Variants in FRAS1 observed in about 807,000 individuals in gnomAD.
FRAS1 encodes the protein extracellular matrix organizing protein FRAS1.
FRAS1 carries 290 observed loss-of-function variants against 435.2 expected under a neutral mutation model. The observed-to-expected ratio is 0.67, with a 90% CI of 0.61 to 0.73. The LOEUF (loss-of-function observed/expected upper bound fraction) is 0.73, where lower values mean the gene tolerates loss of function less well. FRAS1 is among the 30% of genes least tolerant of loss of function. The probability of loss-of-function intolerance (pLI) is 0.00; values close to 1 mark genes in which losing one functional copy is unlikely to be tolerated. For missense variants in FRAS1, 4,860 were observed against 5,001.5 expected (o/e 0.97, Z 0.85); for synonymous variants, 1,800 against 1,851.0 (o/e 0.97, Z 0.71).
chr4:78,069,896 T>C lies in FRAS1; in HGVS notation c.108+3880T>C, dbSNP rs548566101. 1.8e-4 allele frequency among the ~76,000 whole-genome samples: 27 copies of C among 152,176 alleles called. No homozygotes were observed. In the South Asian group the frequency reaches 5.4e-3, roughly 30 times the overall value. ...CCTAGTGGAAAAGAGAGTTCAAACC[T>C]GGTTCTTATTCTTAAGTCATTTGAT... On this transcript the variant is annotated intron_variant, in intron 2 of 73. Coordinates refer to ENST00000512123, the MANE Select transcript of FRAS1 (RefSeq NM_025074.7).
chr4:78,377,064 G>A (rs1026582185), intron 26 of FRAS1, among the ~76,000 whole-genome samples: 1 of 151,996 alleles, frequency 6.6e-6, no homozygotes, highest in Admixed American at 6.6e-5. Context: ...TAGTGGACAC[G>A]TTACCTTAAA....
chr4:78,230,099 G>A (rs1185564419), intron 2 of FRAS1, among the ~76,000 whole-genome samples: 1 of 152,202 alleles, frequency 6.6e-6, no homozygotes, highest in Non-Finnish European at 1.5e-5. Flanking sequence ...CTGTATACAA[G>A]TTGATACTCT....
chr4:78,281,537 C>T, intron 11 of FRAS1, 104 bp downstream of exon 11: 2 of 649,090 alleles, frequency 3.1e-6, no homozygotes. Context: ...GTATTTTTAA[C>T]AGCCACATTT....
intron 2 of FRAS1, among the ~76,000 whole-genome samples, chr4:78,140,630 CATATACATATGTGTATATGTATATACGT>C (rs1361998660): frequency 1.1e-3 from 168 of 150,886 alleles, no homozygotes; most frequent in African/African-American, 3.4e-3. Flanking sequence ...TGTGTATACG[CATATACATATGTGTATATGTATATACGT>C]ATATACATAT....
chr4:78,525,812 G>A (rs1462348062), intron 69 of FRAS1, among the ~76,000 whole-genome samples: 1 of 152,180 alleles, frequency 6.6e-6, no homozygotes, highest in Non-Finnish European at 1.5e-5. Flanking sequence ...AGACGAAATA[G>A]GAGAGAGGTC....
intron 2 of FRAS1, among the ~76,000 whole-genome samples, chr4:78,208,885 C>T (rs13107137): frequency 0.25 from 38,174 of 151,958 alleles, 5,533 homozygotes; most frequent in Non-Finnish European, 0.32. Flanking sequence ...ACCTGTAATC[C>T]CAGCACTTTG....
chr4:78,277,044 C>T (rs548846223), intron 9 of FRAS1, among the ~76,000 whole-genome samples: 1 of 152,338 alleles, frequency 6.6e-6, no homozygotes, highest in East Asian at 1.9e-4. Flanking sequence ...CTCACTGCCA[C>T]CTTGCAGTTC....
intron 61 of FRAS1, among the ~76,000 whole-genome samples, chr4:78,502,478 G>A (rs1720715400): frequency 6.6e-6 from 1 of 152,114 alleles, no homozygotes; most frequent in African/African-American, 2.4e-5. Flanking sequence ...TCTCTTTGTA[G>A]CAATTGTGAA....
At chr4:78,457,557 A>C (rs940323050) in intron 47 of FRAS1, among the ~76,000 whole-genome samples, 4 of 152,164 alleles carry the variant, frequency 2.6e-5, no homozygotes, top group Non-Finnish European at 5.9e-5. Context: ...CTTGCTCTTA[A>C]ATCTTAAAAT....
At chr4:78,540,465 T>C (rs1362704760) in intron 73 of FRAS1, 66 bp from the exon 74 acceptor site, 5 of 1,047,122 alleles carry the variant, frequency 4.8e-6, no homozygotes, top group Non-Finnish European at 5.4e-6. Context: ...GCAATTATCC[T>C]TCCATTTCCT....
At chr4:78,244,986 A>G (rs1008792464) in intron 3 of FRAS1, among the ~76,000 whole-genome samples, 2 of 152,166 alleles carry the variant, frequency 1.3e-5, no homozygotes, top group Admixed American at 6.5e-5. Flanking sequence ...AGTTCATCAC[A>G]TGTGAAAAGA....
chr4:78,091,764 C>G (rs1741537712), intron 2 of FRAS1, among the ~76,000 whole-genome samples: 1 of 151,810 alleles, frequency 6.6e-6, no homozygotes. Context: ...TGCAAGTGAT[C>G]TTCCTGCCTC....
intron 14 of FRAS1, among the ~76,000 whole-genome samples, chr4:78,293,798 G>C (rs1226321601): frequency 1.3e-5 from 2 of 152,194 alleles, no homozygotes; most frequent in Admixed American, 6.5e-5. Context: ...ACAGCTGGTG[G>C]TGTTGTGTCT....
At chr4:78,476,931 A>T (rs577647957) in intron 54 of FRAS1, among the ~76,000 whole-genome samples, 1 of 151,658 alleles carries the variant, frequency 6.6e-6, no homozygotes, top group East Asian at 1.9e-4. Context: ...CTGCAGTTTC[A>T]GTTTTGGGCA....
At chr4:78,125,493 T>C (rs1719294845) in intron 2 of FRAS1, among the ~76,000 whole-genome samples, 2 of 152,218 alleles carry the variant, frequency 1.3e-5, no homozygotes, top group Non-Finnish European at 2.9e-5. Context: ...GTTCTGTAGA[T>C]GTCTATTAGG....
At chr4:78,248,682 A>G (rs906873871) in intron 4 of FRAS1, among the ~76,000 whole-genome samples, 2 of 152,186 alleles carry the variant, frequency 1.3e-5, no homozygotes, top group African/African-American at 4.8e-5. Context: ...AGTATTCTGG[A>G]TCTATAACTC....
chr4:78,452,935 G>A (rs770014938), intron 47 of FRAS1, among the ~76,000 whole-genome samples: 1 of 152,204 alleles, frequency 6.6e-6, no homozygotes, highest in Non-Finnish European at 1.5e-5. Flanking sequence ...GGCTACATTG[G>A]GTGAGAAAGT....
chr4:78,147,704 T>C (rs1720476294), intron 2 of FRAS1, among the ~76,000 whole-genome samples: 1 of 152,166 alleles, frequency 6.6e-6, no homozygotes, highest in Admixed American at 6.6e-5. Flanking sequence ...GTCTGTCCTA[T>C]TGAGTTGTTG....
Position 78,537,086 on chromosome 4 carries a change from G to C in FRAS1, c.11184G>C (p.Thr3728=), listed in dbSNP as rs377701316. ...AGCTGGAGAAAGTCTATCTTTGTAC[G>C]GGCAAGGATGGTTATGTGCCTTTCT... ...KLQLEKVYLC[T]GKDGYVPFFD... The change falls in exon 72 of 74, where the codon ACG becomes ACC. Residue 3728 remains threonine (T), a synonymous_variant. Transcript: ENST00000512123. The C allele has an allele frequency of 6.2e-7, 1 of 1,613,924 alleles. No homozygotes were observed. Among genetic ancestry groups the C allele is most frequent in the South Asian group, 1.1e-5 (1 of 91,084 alleles).
Sources: gnomAD v4.1 joint callset for allele counts (sites outside exome capture counted in the v4.1 genomes callset) on GRCh38, gnomAD v4.1.1 for gene constraint, MANE v1.5 for transcripts, NCBI Gene and HGNC (gene_info 2026-07-23, HGNC 2026-07-21) for gene names.